Variants in PRKN observed in about 807,000 individuals in gnomAD.
PRKN encodes parkin RBR E3 ubiquitin protein ligase, also known as E3 ubiquitin-protein ligase parkin.
In PRKN, 56 loss-of-function variants were observed where a neutral mutation model predicts 59.5. The observed-to-expected ratio is 0.94, with a 90% CI of 0.76 to 1.18. The LOEUF (loss-of-function observed/expected upper bound fraction) is 1.18, where lower values mean the gene tolerates loss of function less well. Ranked by LOEUF, PRKN falls within the 50% of genes most tolerant of loss-of-function variation. PRKN has a pLI of 0.00. For missense variants in PRKN, 657 were observed against 596.4 expected (o/e 1.10, Z -1.06); for synonymous variants, 250 against 222.1 (o/e 1.13, Z -1.12).
chr6:162,255,816 T>C (rs1183275511), intron 3 of PRKN, among the ~76,000 whole-genome samples: 1 of 152,216 alleles, frequency 6.6e-6, no homozygotes, highest in Non-Finnish European at 1.5e-5. Context: ...ACAAAAATTC[T>C]GTATTCAGTG....
chr6:161,733,798 G>A (rs199658340), intron 7 of PRKN, among the ~76,000 whole-genome samples: 10,143 of 121,700 alleles, frequency 0.083, 1,087 homozygotes, highest in African/African-American at 0.23. Flanking sequence ...ATATATATAT[G>A]TATATATATA....
chr6:162,393,456 G>A (rs1055718205), intron 2 of PRKN, among the ~76,000 whole-genome samples: 52 of 151,958 alleles, frequency 3.4e-4, no homozygotes, highest in Non-Finnish European at 5.4e-4. Flanking sequence ...CACCATACCC[G>A]GCCGAGGCTA....
intron 1 of PRKN, among the ~76,000 whole-genome samples, chr6:162,450,643 G>A (rs188411095): frequency 5.3e-5 from 8 of 152,200 alleles, no homozygotes; most frequent in East Asian, 3.9e-4. Context: ...TAATCTTCAC[G>A]AAAACATCGC....
In PRKN at chr6:161,678,216, C is replaced by CTTTT. The variant is rs3066554; in HGVS notation, c.871+107552_871+107555dup. Among the ~76,000 whole-genome samples, 328 of 64,952 alleles carry CTTTT rather than the reference C, an allele frequency of 5.0e-3. 53 individuals are homozygous for CTTTT. The highest frequency in any genetic ancestry group is 5.8e-3 in the African/African-American group (73 of 12,690). 42.6% of individuals were successfully genotyped at this position (64,952 alleles called of 152,430 possible). A position where few individuals can be genotyped will look rare whatever the true frequency, so the allele number is the denominator to read the frequency against. On this transcript the variant is annotated intron_variant, in intron 7 of 11. Transcript: ENST00000366898. ...TTATGGTAATAACAATACTGAATCA[C>CTTTT]TTTTTTTTTTTTTTTTTTTTTTTTT... is the stretch of plus-strand genomic sequence containing the variant.
At chr6:161,430,498 G>T (rs1199261229) in intron 9 of PRKN, among the ~76,000 whole-genome samples, 1 of 152,152 alleles carries the variant, frequency 6.6e-6, no homozygotes, top group Non-Finnish European at 1.5e-5. Flanking sequence ...TGTGGTGAGA[G>T]CAAACACAGA....
chr6:162,578,342 T>C (rs919278083), intron 1 of PRKN, among the ~76,000 whole-genome samples: 7 of 152,176 alleles, frequency 4.6e-5, no homozygotes, highest in Admixed American at 2.0e-4. Flanking sequence ...TAAAAGGTTA[T>C]GTGTGTGCAT....
intron 1 of PRKN, among the ~76,000 whole-genome samples, chr6:162,447,241 G>C (rs950903405): frequency 6.6e-6 from 1 of 152,012 alleles, no homozygotes; most frequent in Non-Finnish European, 1.5e-5. Context: ...GGTAACTAAG[G>C]GAGATTAGAT....
chr6:162,461,577 T>C (rs1432645525), intron 1 of PRKN, among the ~76,000 whole-genome samples: 1 of 148,868 alleles, frequency 6.7e-6, no homozygotes. Context: ...GACCAGCACT[T>C]TGGGAGGCCG....
rs1787033206 is a variant in PRKN, at chr6:161,401,141, G to T, written c.1084-14264C>A. ...TCTCTTAATTTAGCCAACAAAGAAG[G>T]TTGGCTCAAAGACACCTGTTTTTGC... On this transcript the variant is annotated intron_variant, in intron 9 of 11. Coordinates refer to ENST00000366898, the MANE Select transcript of PRKN (RefSeq NM_004562.3). The surrounding 1 kb of genome is among the most constrained non-coding windows in gnomAD (Gnocchi z 4.4). Among the ~76,000 whole-genome samples the T allele has an allele frequency of 6.6e-6, 1 of 152,122 alleles. No individual in the cohort carries two copies. The highest frequency in any genetic ancestry group is 2.4e-5 in the African/African-American group (1 of 41,404).
intron 4 of PRKN, among the ~76,000 whole-genome samples, chr6:162,088,221 T>C (rs1779335282): frequency 6.6e-6 from 1 of 152,170 alleles, no homozygotes; most frequent in Non-Finnish European, 1.5e-5. Context: ...GTAAGATAAA[T>C]GTCCCTGAAA....
chr6:161,597,857 CAT>C (rs1554281390), intron 7 of PRKN, among the ~76,000 whole-genome samples: 2 of 151,678 alleles, frequency 1.3e-5, no homozygotes, highest in African/African-American at 4.9e-5. Context: ...CACACACACA[CAT>C]ATTCTAAACC....
At chr6:161,957,988 G>C (rs1554254497) in intron 6 of PRKN, among the ~76,000 whole-genome samples, 1 of 152,120 alleles carries the variant, frequency 6.6e-6, no homozygotes, top group Non-Finnish European at 1.5e-5. Context: ...ATTAATCTTA[G>C]AAATAATCAT....
intron 9 of PRKN, among the ~76,000 whole-genome samples, chr6:161,540,495 G>A (rs1237994423): frequency 7.9e-5 from 12 of 152,092 alleles, no homozygotes. Flanking sequence ...AAATACATTT[G>A]AGGCAAATAA....
intron 7 of PRKN, among the ~76,000 whole-genome samples, chr6:161,610,907 G>A (rs1782465428): frequency 6.6e-6 from 1 of 152,162 alleles, no homozygotes; most frequent in African/African-American, 2.4e-5. Flanking sequence ...GAGGTAGAGA[G>A]GAATCTGGCA....
At chr6:162,512,987 C>T (rs1210364965) in intron 1 of PRKN, among the ~76,000 whole-genome samples, 1 of 152,100 alleles carries the variant, frequency 6.6e-6, no homozygotes, top group Non-Finnish European at 1.5e-5. Flanking sequence ...TGGCACAAAT[C>T]CTAAACTTTT....
chr6:161,670,581 C>T (rs1381227741), intron 7 of PRKN, among the ~76,000 whole-genome samples: 5 of 152,046 alleles, frequency 3.3e-5, no homozygotes, highest in South Asian at 2.1e-4. Context: ...TTTGGGAGGC[C>T]GAGGCGGGTG....
chr6:162,513,121 G>A (rs1777701032), intron 1 of PRKN, among the ~76,000 whole-genome samples: 1 of 152,158 alleles, frequency 6.6e-6, no homozygotes, highest in Non-Finnish European at 1.5e-5. Context: ...ACGAGAGCCT[G>A]AAAGGAAAGG....
At chr6:162,363,623 T>C (rs1307226048) in intron 2 of PRKN, among the ~76,000 whole-genome samples, 3 of 152,180 alleles carry the variant, frequency 2.0e-5, no homozygotes, top group African/African-American at 7.2e-5. Context: ...TCATCATTGT[T>C]ACTATTATGC....
intron 2 of PRKN, among the ~76,000 whole-genome samples, chr6:162,378,691 A>T (rs1786261219): frequency 6.6e-6 from 1 of 152,222 alleles, no homozygotes; most frequent in Non-Finnish European, 1.5e-5. Context: ...AATGAGCTTA[A>T]ACTTTATTAC....
Sources: gnomAD v4.1 joint callset for allele counts (sites outside exome capture counted in the v4.1 genomes callset) on GRCh38, gnomAD v4.1.1 for gene constraint, Gnocchi (gnomAD v3.1) non-coding constraint, MANE v1.5 for transcripts, NCBI Gene and HGNC (gene_info 2026-07-23, HGNC 2026-07-21) for gene names.